The following ASIC2 variants were observed in gnomAD, a reference collection of about 807,000 sequenced individuals.
ASIC2 encodes acid-sensing ion channel 2.
ASIC2 carries 25 observed loss-of-function variants against 57.3 expected under a neutral mutation model. That is an observed-to-expected ratio of 0.44 (90% CI 0.32 to 0.61). The LOEUF is 0.61. Among genes scored for constraint, ASIC2 ranks in the 20% least tolerant of loss-of-function variants. The pLI is 0.06. For missense variants in ASIC2, 641 were observed against 738.1 expected, an observed-to-expected ratio of 0.87 and a Z score of 1.52; for synonymous variants, 319 against 307.5, an observed-to-expected ratio of 1.04 and a Z score of -0.39.
intron 1 of ASIC2, chr17:34,039,940 G>A: frequency 5.2e-6 from 7 of 1,351,972 alleles, no homozygotes; most frequent in Non-Finnish European, 7.3e-6. Context: ...CGACCCGGCT[G>A]CGGACCGCTC....
intron 1 of ASIC2, among the ~76,000 whole-genome samples, chr17:33,975,173 T>A (rs1334740622): frequency 6.6e-6 from 1 of 152,212 alleles, no homozygotes; most frequent in African/African-American, 2.4e-5. Context: ...TGGCCACTAA[T>A]CCTAATTGAG....
chr17:33,846,865 T>TTAG (rs1913621816), intron 1 of ASIC2, among the ~76,000 whole-genome samples: 1 of 152,096 alleles, frequency 6.6e-6, no homozygotes, highest in Admixed American at 6.6e-5. Context: ...TGATAACGTT[T>TTAG]TAAGTCTACG....
intron 1 of ASIC2, among the ~76,000 whole-genome samples, chr17:34,080,182 A>C (rs1301301241): frequency 6.6e-6 from 1 of 152,238 alleles, no homozygotes; most frequent in Non-Finnish European, 1.5e-5. Context: ...AAGGAAAAGA[A>C]AATACCACCA....
chr17:33,650,945 G>GTAC (rs945668426), intron 1 of ASIC2, among the ~76,000 whole-genome samples: 9 of 152,122 alleles, frequency 5.9e-5, no homozygotes, highest in African/African-American at 1.9e-4. Context: ...ATGTGATATT[G>GTAC]TACTATAGTT....
chr17:33,310,256 G>T (rs566787642), intron 1 of ASIC2, among the ~76,000 whole-genome samples: 97 of 151,784 alleles, frequency 6.4e-4, no homozygotes, highest in Non-Finnish European at 6.3e-4. Context: ...ATCTGGCCTG[G>T]GTATCAGGAT....
At chr17:33,426,817 A>G (rs1314779551) in intron 1 of ASIC2, among the ~76,000 whole-genome samples, 1 of 152,196 alleles carries the variant, frequency 6.6e-6, no homozygotes, top group Non-Finnish European at 1.5e-5. Context: ...AATCACACAA[A>G]TGCACACATT....
chr17:33,518,431 C>A (rs1353780867), intron 1 of ASIC2, among the ~76,000 whole-genome samples: 1 of 152,178 alleles, frequency 6.6e-6, no homozygotes, highest in Non-Finnish European at 1.5e-5. Flanking sequence ...CTGGAGCTGA[C>A]TTCCTGAGGG....
At chr17:33,694,334 A>G (rs1597838111) in intron 1 of ASIC2, among the ~76,000 whole-genome samples, 1 of 152,162 alleles carries the variant, frequency 6.6e-6, no homozygotes. Flanking sequence ...CTGATGTCTT[A>G]CCCTGGGACG....
intron 1 of ASIC2, among the ~76,000 whole-genome samples, chr17:33,724,366 G>A (rs1013546495): frequency 2.0e-5 from 3 of 152,164 alleles, no homozygotes; most frequent in African/African-American, 7.2e-5. Context: ...AAGCCCATAA[G>A]CAGGCTCAGA....
intron 1 of ASIC2, among the ~76,000 whole-genome samples, chr17:33,657,099 C>A (rs112807141): frequency 6.6e-6 from 1 of 152,162 alleles, no homozygotes; most frequent in Non-Finnish European, 1.5e-5. Flanking sequence ...GCCCCTCTGG[C>A]GGCTCATGTG....
chr17:33,747,314 T>C (rs1910298060), intron 1 of ASIC2, among the ~76,000 whole-genome samples: 1 of 151,126 alleles, frequency 6.6e-6, no homozygotes, highest in South Asian at 2.1e-4. Context: ...GCTTTGACCT[T>C]GTGGGCTTAC....
chr17:33,109,857 T>C (rs1318152052), intron 2 of ASIC2, among the ~76,000 whole-genome samples: 4 of 152,130 alleles, frequency 2.6e-5, no homozygotes, highest in Non-Finnish European at 5.9e-5. Flanking sequence ...AAAGAGAAGG[T>C]TGGCCTGGAA....
At chr17:34,154,521 G>GC (rs1904640636) in intron 1 of ASIC2, among the ~76,000 whole-genome samples, 1 of 152,284 alleles carries the variant, frequency 6.6e-6, no homozygotes, top group Non-Finnish European at 1.5e-5. Context: ...GAGAGGCAAT[G>GC]CCCCCGGCAC....
intron 1 of ASIC2, among the ~76,000 whole-genome samples, chr17:33,444,937 C>G (rs1408797169): frequency 1.1e-4 from 17 of 152,206 alleles, no homozygotes; most frequent in Admixed American, 1.0e-3. Flanking sequence ...CAGCCACATT[C>G]ATTTGTTTAC....
chr17:33,018,144 CT>C (rs2091816673), intron 7 of ASIC2, among the ~76,000 whole-genome samples: 1 of 152,210 alleles, frequency 6.6e-6, no homozygotes. Context: ...ACCTCCCACC[CT>C]TGGGATAAGG....
At chr17:33,295,920 A>C (rs1472351654), upstream of ASIC2, among the ~76,000 whole-genome samples, 1 of 152,034 alleles carries the variant, frequency 6.6e-6, no homozygotes, top group East Asian at 1.9e-4. Flanking sequence ...TCCTGGGCTT[A>C]AGCTGTCCTC....
chr17:33,566,590 T>G (rs1916240536), intron 1 of ASIC2, among the ~76,000 whole-genome samples: 1 of 152,196 alleles, frequency 6.6e-6, no homozygotes, highest in South Asian at 2.1e-4. Flanking sequence ...GGCAGCTGGA[T>G]GTGCTATAGT....
Position 33,089,015 on chromosome 17 carries a change from C to T in ASIC2, c.860-25G>A, listed in dbSNP as rs571182369. Reference sequence around the variant, plus strand: ...TCTGAAAGAACAAAGATGGACAGAGCCACGGGTCAGTAACAACAGATGCTC... The same window carrying T: ...TCTGAAAGAACAAAGATGGACAGAGTCACGGGTCAGTAACAACAGATGCTC... On this transcript the variant is annotated intron_variant, in intron 2 of 9. Transcript: ENST00000225823. 2.3e-4 allele frequency: 373 copies of T among 1,612,942 alleles called. 4 individuals are homozygous for T. In the South Asian group the frequency reaches 3.7e-3, roughly 16 times the overall value.
chr17:33,523,988 T>C (rs942777923), intron 1 of ASIC2, among the ~76,000 whole-genome samples: 2 of 152,150 alleles, frequency 1.3e-5, no homozygotes, highest in African/African-American at 4.8e-5. Context: ...GGCCTTCTTG[T>C]CTCTTTCAGT....
Sources: allele counts gnomAD v4.1 joint callset (sites outside exome capture counted in the v4.1 genomes callset), GRCh38; gene constraint gnomAD v4.1.1; transcripts MANE v1.5; gene names NCBI Gene and HGNC (gene_info 2026-07-23, HGNC 2026-07-21).